The following TCF7L1 variants were observed in gnomAD, a reference collection of about 807,000 sequenced individuals.
TCF7L1 encodes transcription factor 7 like 1, also known as transcription factor 7-like 1.
TCF7L1 carries 18 observed loss-of-function variants against 63.7 expected under a neutral mutation model. That is an observed-to-expected ratio of 0.28 (90% confidence interval 0.20 to 0.42). The LOEUF is 0.42. TCF7L1 is among the 10% of genes least tolerant of loss of function. The probability of loss-of-function intolerance (pLI) is 1.00; values close to 1 mark genes in which losing one functional copy is unlikely to be tolerated. For missense variants in TCF7L1, 654 were observed against 779.3 expected (o/e 0.84, Z 1.91); for synonymous variants, 355 against 340.9 (o/e 1.04, Z -0.46).
At chr2:85,237,963 A>T (rs1680231939) in intron 3 of TCF7L1, among the ~76,000 whole-genome samples, 1 of 152,032 alleles carries the variant, frequency 6.6e-6, no homozygotes, top group South Asian at 2.1e-4. Flanking sequence ...GGGGAAGGTG[A>T]TGCGGGCAGG....
intron 4 of TCF7L1, among the ~76,000 whole-genome samples, chr2:85,296,925 G>C (rs1681847891): frequency 6.6e-6 from 1 of 152,170 alleles, no homozygotes; most frequent in African/African-American, 2.4e-5. Flanking sequence ...ACAAAAACTT[G>C]AATTTATGGA....
intron 3 of TCF7L1, among the ~76,000 whole-genome samples, chr2:85,148,771 ATTTTT>A (rs775984491): frequency 8.0e-6 from 1 of 125,014 alleles, no homozygotes; most frequent in African/African-American, 3.0e-5. Flanking sequence ...ACAGTATTTA[ATTTTT>A]TTTTTTTTTT....
rs147504628 is a variant in TCF7L1 at position 85,301,967 on chromosome 2, A to C, written c.526-517A>C. On this transcript the variant is annotated intron_variant, in intron 4 of 11. Coordinates refer to ENST00000282111, the MANE Select transcript of TCF7L1 (RefSeq NM_031283.3). The stretch of plus-strand genomic sequence containing the variant: ...ATGGTGAAACCCTATCTGTACTAAA[A>C]ATACAAAAAAATTAGCCAGGCGTGA... Among the ~76,000 whole-genome samples, 1,115 of 152,160 alleles carry C rather than the reference A, an allele frequency of 7.3e-3. 14 individuals are homozygous for C. The highest frequency in any genetic ancestry group is 0.026 in the African/African-American group (1,071 of 41,486).
chr2:85,241,531 C>T (rs1295623690), intron 3 of TCF7L1, among the ~76,000 whole-genome samples: 1 of 142,050 alleles, frequency 7.0e-6, no homozygotes, highest in Non-Finnish European at 1.5e-5. Flanking sequence ...ACTGCAACCT[C>T]TGCCTCCCGG....
At position 85,142,432 on chromosome 2, in the gene TCF7L1, ATGTGTGTGTGTGTGTGTG is replaced by A. The variant is rs138067915; in HGVS notation, c.441+7998_441+8015del. 7.9e-4 allele frequency among the ~76,000 whole-genome samples: 109 copies of A among 138,050 alleles called. No homozygotes were observed. The East Asian group carries it at 0.017, about 21-fold the overall frequency. The allele number at this position is 138,050 out of a possible 152,430, so 90.6% of individuals were successfully genotyped here. ...GACCCTGTTTCCAAAAAAAAAAAAAATGTGTGTGTGTGTGTGTGTGTGTGTGTGTGTGTTGTGTGTATA... is the reference window on the plus strand; with the variant it reads ...GACCCTGTTTCCAAAAAAAAAAAAAATGTGTGTGTGTGTGTTGTGTGTATA... On this transcript the variant is annotated intron_variant, in intron 3 of 11. Transcript: ENST00000282111.
rs1330047407 is a variant in TCF7L1 at position 85,134,282 on chromosome 2, C to G, written c.314-41C>G. On this transcript the variant is annotated intron_variant, in intron 2 of 11. Coordinates refer to ENST00000282111, the MANE Select transcript of TCF7L1 (RefSeq NM_031283.3). This position sits in a 1 kb window ranked among gnomAD's most constrained non-coding sequence, Gnocchi z 5.0. ...GCCCCCTGCCGCGGCGCTGTCAGTC[C>G]CGGGGGCCTGGGCCTCACCTCGCCT... The G allele has an allele frequency of 2.6e-6, 4 of 1,547,100 alleles. No individual in the cohort carries two copies. The highest frequency in any genetic ancestry group is 3.5e-6 in the Non-Finnish European group (4 of 1,145,030).
intron 3 of TCF7L1, among the ~76,000 whole-genome samples, chr2:85,176,563 G>T (rs1678681043): frequency 6.6e-6 from 1 of 152,198 alleles, no homozygotes; most frequent in East Asian, 1.9e-4. Flanking sequence ...CAGGTAAGTA[G>T]TTCTCACATG....
At chr2:85,221,428 G>A (rs1679838184) in intron 3 of TCF7L1, among the ~76,000 whole-genome samples, 1 of 152,290 alleles carries the variant, frequency 6.6e-6, no homozygotes, top group South Asian at 2.1e-4. Flanking sequence ...CCACAAACTG[G>A]GTAATTTATA....
intron 3 of TCF7L1, among the ~76,000 whole-genome samples, chr2:85,143,107 G>A (rs1004212311): frequency 1.3e-5 from 2 of 152,160 alleles, no homozygotes; most frequent in Non-Finnish European, 2.9e-5. Flanking sequence ...ATTATCTGGG[G>A]TCCTCAGGAC....
At chr2:85,283,370 TG>T in intron 3 of TCF7L1, 124 bp from the exon 4 acceptor site, 1 of 883,020 alleles carries the variant, frequency 1.1e-6, no homozygotes, top group Non-Finnish European at 1.9e-6. Flanking sequence ...ACAGGGCATG[TG>T]GCATGAAAAT....
chr2:85,144,444 A>G (rs1381204329), intron 3 of TCF7L1, among the ~76,000 whole-genome samples: 3 of 151,162 alleles, frequency 2.0e-5, no homozygotes, highest in Non-Finnish European at 4.4e-5. Context: ...ACAAAAACCA[A>G]AAAAAACATT....
At chr2:85,240,776 C>CAAAAAA (rs397974438) in intron 3 of TCF7L1, among the ~76,000 whole-genome samples, 5 of 95,784 alleles carry the variant, frequency 5.2e-5, no homozygotes, top group African/African-American at 1.7e-4. Flanking sequence ...ACTCTTGCCT[C>CAAAAAA]AAAAAAAAAA....
At chr2:85,302,812 C>G (rs905111569) in intron 5 of TCF7L1, among the ~76,000 whole-genome samples, 196 bp downstream of exon 5, 1 of 152,066 alleles carries the variant, frequency 6.6e-6, no homozygotes, top group Admixed American at 6.5e-5. Context: ...CCTTCTCCAC[C>G]ATAGGGTCAC....
chr2:85,230,593 T>G (rs1272135448), intron 3 of TCF7L1, among the ~76,000 whole-genome samples: 2 of 152,130 alleles, frequency 1.3e-5, no homozygotes, highest in Admixed American at 1.3e-4. Context: ...TCTCAGCCTC[T>G]CAAAGTGCTG....
At chr2:85,198,104 A>G (rs1029093500) in intron 3 of TCF7L1, among the ~76,000 whole-genome samples, 14 of 152,240 alleles carry the variant, frequency 9.2e-5, no homozygotes, top group Admixed American at 5.2e-4. Flanking sequence ...CAGATGGTCT[A>G]CAAGCTTGAA....
chr2:85,295,192 G>A (rs1052459787), intron 4 of TCF7L1, among the ~76,000 whole-genome samples: 15 of 152,072 alleles, frequency 9.9e-5, no homozygotes, highest in African/African-American at 3.4e-4. Flanking sequence ...AATAACTTTT[G>A]TTTTGTTTTG....
intron 4 of TCF7L1, among the ~76,000 whole-genome samples, chr2:85,286,877 G>A (rs183808569): frequency 3.3e-5 from 5 of 152,316 alleles, no homozygotes; most frequent in Admixed American, 2.6e-4. Flanking sequence ...GTTCGGAGCT[G>A]CAGTGAGCCA....
intron 3 of TCF7L1, among the ~76,000 whole-genome samples, chr2:85,221,248 A>G (rs1679834493): frequency 1.3e-5 from 2 of 152,182 alleles, no homozygotes; most frequent in African/African-American, 4.8e-5. Flanking sequence ...ATTATTTTCA[A>G]TATGTTAATA....
chr2:85,291,399 A>G (rs570549014), intron 4 of TCF7L1, among the ~76,000 whole-genome samples: 2 of 152,164 alleles, frequency 1.3e-5, no homozygotes, highest in East Asian at 1.9e-4. Flanking sequence ...AAACACTACA[A>G]AATAACTCAG....
Sources: gnomAD v4.1 joint callset for allele counts (sites outside exome capture counted in the v4.1 genomes callset) on GRCh38, gnomAD v4.1.1 for gene constraint, Gnocchi (gnomAD v3.1) non-coding constraint, MANE v1.5 for transcripts, NCBI Gene and HGNC (gene_info 2026-07-23, HGNC 2026-07-21) for gene names.